TOM1: variants seen among roughly 807,000 people sequenced by gnomAD.
TOM1 encodes target of Myb protein 1.
A neutral mutation model predicts 61.3 loss-of-function variants in TOM1; 38 were observed. That is an observed-to-expected ratio of 0.62 (90% CI 0.48 to 0.81). The LOEUF is 0.81. Ranked by LOEUF, TOM1 falls within the 40% of genes least tolerant of loss-of-function variation. The probability of loss-of-function intolerance (pLI) is 0.00; values close to 1 mark genes in which losing one functional copy is unlikely to be tolerated. For missense variants in TOM1, 591 were observed against 659.6 expected (o/e 0.90, Z 1.14); for synonymous variants, 270 against 268.8 (o/e 1.00, Z -0.04).
At chr22:35,334,182 C>A in intron 10 of TOM1, 146 bp from the exon 11 acceptor site, 1 of 1,065,482 alleles carries the variant, frequency 9.4e-7, no homozygotes, top group Non-Finnish European at 1.3e-6. Context: ...CCACAGCCAG[C>A]AGCAGGTGGC....
At chr22:35,300,327 T>A (rs1398459789) in intron 1 of TOM1, among the ~76,000 whole-genome samples, 1 of 152,228 alleles carries the variant, frequency 6.6e-6, no homozygotes, top group Non-Finnish European at 1.5e-5. Context: ...GCTGGGCCAC[T>A]CTGCTGGGTC....
intron 11 of TOM1, among the ~76,000 whole-genome samples, chr22:35,336,445 TTA>T (rs1213380696): frequency 1.3e-5 from 2 of 152,222 alleles, no homozygotes; most frequent in African/African-American, 4.8e-5. Flanking sequence ...AACCAGCTCC[TTA>T]TCAGCCGCTG....
At chr22:35,315,459 T>C (rs1045375391) in intron 1 of TOM1, among the ~76,000 whole-genome samples, 3 of 152,162 alleles carry the variant, frequency 2.0e-5, no homozygotes, top group African/African-American at 2.4e-5. Context: ...GCCCGCTCTG[T>C]TCTTCCCAGG....
At position 35,347,478 on chromosome 22, in the gene TOM1, G is replaced by A; in HGVS notation, c.*269G>A. 1 of 375,812 alleles carries A rather than the reference G, an allele frequency of 2.7e-6. No homozygotes were observed. The highest frequency in any genetic ancestry group is 4.8e-6 in the Non-Finnish European group (1 of 208,734). 23.3% of individuals were successfully genotyped at this position (375,812 alleles called of 1,614,324 possible). A position where few individuals can be genotyped will look rare whatever the true frequency, so the allele number is the denominator to read the frequency against. ...CCATGAGACTTTGCTGAGAAGTGGA[G>A]GCCCCAGGACAGGCTGGCTGGCTGG... On this transcript the variant is annotated 3_prime_UTR_variant, in exon 15 of 15. Coordinates refer to ENST00000449058, the MANE Select transcript of TOM1 (RefSeq NM_005488.3).
chr22:35,314,161 G>GACCTGGAGGA (rs541975235), intron 1 of TOM1, among the ~76,000 whole-genome samples: 1 of 152,320 alleles, frequency 6.6e-6, no homozygotes, highest in South Asian at 2.1e-4. Context: ...TCCACACCTG[G>GACCTGGAGGA]ACCTGGAGGA....
At position 35,347,638 on chromosome 22, in the gene TOM1, G is replaced by A. The variant is rs572019153; in HGVS notation, c.*429G>A. The A allele has an allele frequency of 3.6e-4, 57 of 160,202 alleles. 1 individual carries two copies. Among genetic ancestry groups the A allele is most frequent in the Non-Finnish European group, 6.6e-4 (48 of 73,124 alleles). The allele number at this position is 160,202 out of a possible 1,614,324, so 9.9% of individuals were successfully genotyped here. A position where few individuals can be genotyped will look rare whatever the true frequency, so the allele number is the denominator to read the frequency against. On this transcript the variant is annotated 3_prime_UTR_variant, in exon 15 of 15. Transcript: ENST00000449058. ...GGCTGGCCACAGTGGAAATTCTGCC[G>A]AGCCTCTTGTCCCTTCCCTGCTCTG... is the stretch of plus-strand genomic sequence containing the variant.
chr22:35,300,071 G>A (rs1011770850), intron 1 of TOM1, 91 bp downstream of exon 1: 26 of 1,443,084 alleles, frequency 1.8e-5, no homozygotes, highest in African/African-American at 2.8e-5. Flanking sequence ...AGTCACGGAG[G>A]CAGGGAGGGC....
At chr22:35,319,780 G>A (rs1372991367) in intron 2 of TOM1, among the ~76,000 whole-genome samples, 1 of 152,240 alleles carries the variant, frequency 6.6e-6, no homozygotes, top group Non-Finnish European at 1.5e-5. Context: ...GGCTGCCCAG[G>A]GAGGCAAGGG....
intron 10 of TOM1, among the ~76,000 whole-genome samples, chr22:35,333,914 T>C (rs1929054241): frequency 6.6e-6 from 1 of 152,224 alleles, no homozygotes; most frequent in Non-Finnish European, 1.5e-5. Context: ...ATTGTCACTG[T>C]TATCACTGTG....
At chr22:35,334,469 C>G (rs1929116107) in intron 11 of TOM1, 21 bp downstream of exon 11, 1 of 1,613,282 alleles carries the variant, frequency 6.2e-7, no homozygotes, top group African/African-American at 1.3e-5. Context: ...TGGCCCTGCC[C>G]TGGTCCCCTG....
At chr22:35,343,368 ACCT>A (rs1414449920) in intron 12 of TOM1, among the ~76,000 whole-genome samples, 1 of 114,380 alleles carries the variant, frequency 8.7e-6, no homozygotes, top group East Asian at 2.7e-4. Flanking sequence ...CCCACCACAC[ACCT>A]CCACACACAC....
At chr22:35,316,594 C>G (rs778460156) in intron 1 of TOM1, among the ~76,000 whole-genome samples, 1 of 152,214 alleles carries the variant, frequency 6.6e-6, no homozygotes, top group Non-Finnish European at 1.5e-5. Context: ...CGGCCATGGC[C>G]CTGACAGGCT....
In TOM1 at chr22:35,327,299, T is replaced by C. The variant is rs754633511; in HGVS notation, c.677T>C (p.Met226Thr). The C allele has an allele frequency of 2.5e-6, 4 of 1,613,962 alleles. No homozygotes were observed. The highest frequency in any genetic ancestry group is 3.4e-6 in the Non-Finnish European group (4 of 1,179,990). ...GGGAAGCTGCGCAGTGAGCTGGAGA[T>C]GGTGAGTGGGAACGTGAGGGTGATG... ...QIGKLRSELE[M>T]VSGNVRVMSE... The change falls in exon 7 of 15, where the codon ATG becomes ACG. Residue 226 changes from methionine to threonine, a missense_variant. Met to Thr is a moderately conservative substitution (Grantham distance 81). Coordinates refer to ENST00000449058, the MANE Select transcript of TOM1 (RefSeq NM_005488.3).
chr22:35,346,850 C>G (rs1930544002), intron 13 of TOM1, 80 bp from the exon 14 acceptor site: 2 of 1,376,716 alleles, frequency 1.5e-6, no homozygotes, highest in Admixed American at 3.5e-5. Context: ...CAGCGGGGCC[C>G]GAGCTGCAGC....
chr22:35,323,807 G>A lies in TOM1; in HGVS notation c.541G>A (p.Val181Met). 1 of 1,613,102 alleles carries A rather than the reference G, an allele frequency of 6.2e-7. No homozygotes were observed. Among genetic ancestry groups the A allele is most frequent in the Non-Finnish European group, 8.5e-7 (1 of 1,179,522 alleles). The change falls in exon 6 of 15, where the codon GTG becomes ATG. Residue 181 changes from valine to methionine, a missense_variant. Physicochemically the swap from Val to Met is conservative, Grantham distance 21. Transcript: ENST00000449058. The surrounding 1 kb of genome is among the most constrained non-coding windows in gnomAD (Gnocchi z 4.2). The part of the protein sequence containing the change: ...NSETQSGQDS[V>M]GTDSSQQEDS... ...AGAGACACAATCAGGACAGGATTCT[G>A]TGGGCACTGACTCCAGCCAGCAAGA...
At chr22:35,315,137 A>G (rs1927171592) in intron 1 of TOM1, among the ~76,000 whole-genome samples, 1 of 151,242 alleles carries the variant, frequency 6.6e-6, no homozygotes, top group South Asian at 2.1e-4. Context: ...GGAGGGAGGC[A>G]GGAGGAGGGA....
intron 12 of TOM1, 111 bp downstream of exon 12, chr22:35,338,899 C>A: frequency 9.9e-7 from 1 of 1,009,240 alleles, no homozygotes; most frequent in Non-Finnish European, 1.4e-6. Context: ...CGTCCACAGG[C>A]CCTTCCTCGT....
intron 6 of TOM1, among the ~76,000 whole-genome samples, chr22:35,326,068 A>G (rs972278533): frequency 6.6e-6 from 1 of 152,236 alleles, no homozygotes; most frequent in African/African-American, 2.4e-5. Flanking sequence ...TTCTTCATCT[A>G]TAAAAGCAGG....
At chr22:35,306,609 C>T (rs368473819) in intron 1 of TOM1, among the ~76,000 whole-genome samples, 8 of 152,136 alleles carry the variant, frequency 5.3e-5, no homozygotes, top group Non-Finnish European at 8.8e-5. Context: ...TCAATGTCCT[C>T]GTCTGTACAA....
Sources: gnomAD v4.1 joint callset for allele counts (sites outside exome capture counted in the v4.1 genomes callset) on GRCh38, gnomAD v4.1.1 for gene constraint, Gnocchi (gnomAD v3.1) non-coding constraint, MANE v1.5 for transcripts, NCBI Gene and HGNC (gene_info 2026-07-23, HGNC 2026-07-21) for gene names.